The following PTPRM variants were observed in gnomAD, a reference collection of about 807,000 sequenced individuals.
The protein encoded by PTPRM is protein tyrosine phosphatase receptor type M, also known as receptor-type tyrosine-protein phosphatase mu.
PTPRM carries 47 observed loss-of-function variants against 186.7 expected under a neutral mutation model. The ratio of observed to expected loss-of-function variants is 0.25; its 90% CI spans 0.20 to 0.32. PTPRM has a LOEUF of 0.32. Ranked by LOEUF, PTPRM falls within the 10% of genes least tolerant of loss-of-function variation. The pLI is 1.00. For missense variants in PTPRM, 1,494 were observed against 1,865.0 expected, an observed-to-expected ratio of 0.80 and a Z score of 3.66; for synonymous variants, 668 against 674.9, an observed-to-expected ratio of 0.99 and a Z score of 0.16.
chr18:7,949,117 C>CT, intron 5 of PTPRM, 64 bp from the exon 6 acceptor site: 1 of 1,431,350 alleles, frequency 7.0e-7, no homozygotes, highest in Non-Finnish European at 9.6e-7. Flanking sequence ...CATTGGGTGT[C>CT]TGACTGTTTT....
At chr18:7,892,994 C>T (rs2049159544) in intron 3 of PTPRM, among the ~76,000 whole-genome samples, 2 of 152,156 alleles carry the variant, frequency 1.3e-5, no homozygotes, top group Admixed American at 6.5e-5. Context: ...TTGGGGAGTA[C>T]ACAAACATTC....
chr18:8,130,678 G>A (rs749523531), intron 13 of PTPRM, among the ~76,000 whole-genome samples: 14 of 152,184 alleles, frequency 9.2e-5, no homozygotes, highest in Non-Finnish European at 1.6e-4. Flanking sequence ...AACCCACATG[G>A]CCCACTTCAT....
intron 7 of PTPRM, among the ~76,000 whole-genome samples, chr18:8,057,425 C>CTTTTTTTTTTTTTTTTTTTTTTTCTTTT (rs763829289): frequency 9.8e-6 from 1 of 102,562 alleles, no homozygotes; most frequent in Non-Finnish European, 1.9e-5. Flanking sequence ...TGTGATACTT[C>CTTTTTTTTTTTTTTTTTTTTTTTCTTTT]TTTTTTTTTT....
intron 32 of PTPRM, among the ~76,000 whole-genome samples, chr18:8,395,440 T>C (rs1164910584): frequency 6.6e-6 from 1 of 152,186 alleles, no homozygotes; most frequent in Admixed American, 6.5e-5. Context: ...TTTGAGGAAG[T>C]AGCCATGGTC....
At chr18:7,914,613 A>G (rs971223242) in intron 4 of PTPRM, among the ~76,000 whole-genome samples, 1 of 137,890 alleles carries the variant, frequency 7.3e-6, no homozygotes, top group African/African-American at 2.8e-5. Context: ...AATTAATGTT[A>G]ACTATTATTA....
chr18:7,776,069 G>T (rs1370254038), intron 2 of PTPRM, among the ~76,000 whole-genome samples: 1 of 152,230 alleles, frequency 6.6e-6, no homozygotes, highest in African/African-American at 2.4e-5. Flanking sequence ...GAATGAAGAG[G>T]AAGTGATGCT....
intron 1 of PTPRM, among the ~76,000 whole-genome samples, chr18:7,706,216 A>G (rs1407511770): frequency 2.0e-5 from 3 of 151,876 alleles, no homozygotes; most frequent in African/African-American, 7.3e-5. Context: ...AGAGTGTTAG[A>G]AGTGACAAGA....
At chr18:7,828,496 G>A (rs2045600331) in intron 2 of PTPRM, among the ~76,000 whole-genome samples, 1 of 151,744 alleles carries the variant, frequency 6.6e-6, no homozygotes, top group Non-Finnish European at 1.5e-5. Flanking sequence ...ACTGAAACCT[G>A]GCAGTGACAA....
At chr18:7,905,671 C>T (rs980762483) in intron 3 of PTPRM, among the ~76,000 whole-genome samples, 1 of 152,156 alleles carries the variant, frequency 6.6e-6, no homozygotes, top group Non-Finnish European at 1.5e-5. Context: ...CACATGTGCC[C>T]AGGACTGAGC....
intron 14 of PTPRM, among the ~76,000 whole-genome samples, chr18:8,157,256 T>G (rs902419312): frequency 3.3e-5 from 5 of 152,206 alleles, no homozygotes; most frequent in African/African-American, 1.2e-4. Context: ...GTTGATACCT[T>G]TAAAGTGCTG....
chr18:7,638,511 A>G (rs2038371237), intron 1 of PTPRM, among the ~76,000 whole-genome samples: 1 of 152,188 alleles, frequency 6.6e-6, no homozygotes, highest in Non-Finnish European at 1.5e-5. Flanking sequence ...TTATCTAATG[A>G]TGTGTGTTTG....
At chr18:7,885,421 C>T (rs181745907) in intron 2 of PTPRM, among the ~76,000 whole-genome samples, 1 of 152,290 alleles carries the variant, frequency 6.6e-6, no homozygotes, top group East Asian at 1.9e-4. Flanking sequence ...AGATCCACTT[C>T]TGTAGGATCT....
intron 8 of PTPRM, among the ~76,000 whole-genome samples, chr18:8,072,952 A>T (rs978090079): frequency 1.3e-5 from 2 of 152,086 alleles, no homozygotes; most frequent in African/African-American, 2.4e-5. Context: ...CCTTAAAGTG[A>T]TTATCTGAAT....
chr18:8,245,206 A>G (rs575804985), intron 15 of PTPRM, among the ~76,000 whole-genome samples: 12 of 152,122 alleles, frequency 7.9e-5, no homozygotes, highest in Non-Finnish European at 1.3e-4. Context: ...AGTGTGGTCA[A>G]TGCACGTGCC....
At chr18:7,773,209 T>TTTTAAAG (rs1271379195) in intron 1 of PTPRM, among the ~76,000 whole-genome samples, 1 of 152,188 alleles carries the variant, frequency 6.6e-6, no homozygotes, top group African/African-American at 2.4e-5. Flanking sequence ...AAAACTTGTG[T>TTTTAAAG]GGACTGTAAG....
At chr18:7,843,906 A>G (rs532644186) in intron 2 of PTPRM, among the ~76,000 whole-genome samples, 1 of 152,264 alleles carries the variant, frequency 6.6e-6, no homozygotes, top group Admixed American at 6.5e-5. Flanking sequence ...CTAGAAATTA[A>G]TGTTGACTGT....
At chr18:7,778,348 C>T (rs527954725) in intron 2 of PTPRM, among the ~76,000 whole-genome samples, 3 of 152,100 alleles carry the variant, frequency 2.0e-5, no homozygotes, top group Admixed American at 1.3e-4. Flanking sequence ...TGAGTCATCA[C>T]GGTTTTCTTG....
chr18:7,762,728 A>G (rs539526407), intron 1 of PTPRM, among the ~76,000 whole-genome samples: 1 of 152,316 alleles, frequency 6.6e-6, no homozygotes, highest in South Asian at 2.1e-4. Flanking sequence ...GTGGCATGGT[A>G]GGAATAGGAG....
intron 20 of PTPRM, among the ~76,000 whole-genome samples, chr18:8,311,717 T>C (rs374036166): frequency 2.0e-5 from 3 of 152,294 alleles, no homozygotes; most frequent in East Asian, 3.9e-4. Context: ...TAAGGGCAAT[T>C]GAATCTGGAG....
Sources: gnomAD v4.1 joint callset for allele counts (sites outside exome capture counted in the v4.1 genomes callset) on GRCh38, gnomAD v4.1.1 for gene constraint, MANE v1.5 for transcripts, NCBI Gene and HGNC (gene_info 2026-07-23, HGNC 2026-07-21) for gene names.